STXBP5L: variants seen among roughly 807,000 people sequenced by gnomAD.
STXBP5L encodes the protein syntaxin binding protein 5L, also known as syntaxin-binding protein 5-like.
STXBP5L carries 65 observed loss-of-function variants against 144.5 expected under a neutral mutation model. The ratio of observed to expected loss-of-function variants is 0.45; its 90% CI spans 0.37 to 0.55. STXBP5L has a LOEUF of 0.55. Among genes scored for constraint, STXBP5L ranks in the 20% least tolerant of loss-of-function variants. STXBP5L has a pLI of 0.00. For synonymous variants in STXBP5L, 505 were observed against 469.6 expected, an observed-to-expected ratio of 1.08 and a Z score of -0.97; for missense variants, 1,298 against 1,405.5, an observed-to-expected ratio of 0.92 and a Z score of 1.22.
At chr3:121,019,282 G>T (rs1439719828) in intron 3 of STXBP5L, among the ~76,000 whole-genome samples, 2 of 152,130 alleles carry the variant, frequency 1.3e-5, no homozygotes, top group Admixed American at 6.5e-5. Context: ...GATGGTCTTT[G>T]TCTACCTACC....
intron 9 of STXBP5L, among the ~76,000 whole-genome samples, chr3:121,182,587 G>A (rs183039862): frequency 3.2e-4 from 49 of 152,060 alleles, no homozygotes; most frequent in African/African-American, 9.9e-4. Context: ...CACATCTCAA[G>A]GAACTAGAGA....
Position 121,389,839 on chromosome 3 carries a change from G to A in STXBP5L, c.2587+8307G>A, listed in dbSNP as rs528057838. Among the ~76,000 whole-genome samples the A allele has an allele frequency of 2.0e-5, 3 of 152,300 alleles. No individual in the cohort carries two copies. The South Asian group carries it at 6.2e-4, about 32-fold the overall frequency. On this transcript the variant is annotated intron_variant, in intron 22 of 26. Coordinates refer to ENST00000471454, the MANE Select transcript of STXBP5L (RefSeq NM_001308330.2). ...TCAATTTTGGAACAAGTTTGATGTG[G>A]TGCTGAGAAGAATGTATATTCTGTT...
chr3:120,966,586 C>T (rs1440990895), intron 3 of STXBP5L, among the ~76,000 whole-genome samples: 1 of 152,206 alleles, frequency 6.6e-6, no homozygotes, highest in African/African-American at 2.4e-5. Context: ...TCTCCAGGTC[C>T]TGTTTGCCTG....
rs901008590 is a variant in STXBP5L, at chr3:121,121,585, G to T, written c.606-56G>T. On this transcript the variant is annotated intron_variant, in intron 6 of 26. Coordinates refer to ENST00000471454, the MANE Select transcript of STXBP5L (RefSeq NM_001308330.2). ...CTTAATTTCTTTGTTTCAGTCTCTAGTGGTAAGGTATTTTAATGTTTGGTT... is the reference window on the plus strand; with the variant it reads ...CTTAATTTCTTTGTTTCAGTCTCTATTGGTAAGGTATTTTAATGTTTGGTT... 31 of 1,257,048 alleles carry T rather than the reference G, an allele frequency of 2.5e-5. No homozygotes were observed. The Admixed American group carries it at 4.4e-4, about 18-fold the overall frequency. 77.9% of individuals were successfully genotyped at this position (1,257,048 alleles called of 1,614,324 possible). A position where few individuals can be genotyped will look rare whatever the true frequency, so the allele number is the denominator to read the frequency against.
At chr3:121,199,204 G>T (rs993599295) in intron 9 of STXBP5L, among the ~76,000 whole-genome samples, 1 of 152,050 alleles carries the variant, frequency 6.6e-6, no homozygotes, top group African/African-American at 2.4e-5. Context: ...TACGTCCCTT[G>T]TAAGTTGTAT....
chr3:121,329,616 T>A lies in STXBP5L; in HGVS notation c.2176+11076T>A, dbSNP rs374560743. On this transcript the variant is annotated intron_variant, in intron 20 of 26. Transcript: ENST00000471454. Reference sequence around the variant, plus strand: ...TGGCCCATGCCTGTAATCCCAGTGCTTTGGGAGGCTGAGGCGGGAGGATTG... The same window carrying A: ...TGGCCCATGCCTGTAATCCCAGTGCATTGGGAGGCTGAGGCGGGAGGATTG... 2.0e-3 allele frequency among the ~76,000 whole-genome samples: 298 copies of A among 152,280 alleles called. 1 individual carries two copies. The highest frequency in any genetic ancestry group is 2.4e-3 in the Non-Finnish European group (160 of 68,014).
chr3:120,985,863 G>T (rs1279762502), intron 3 of STXBP5L, among the ~76,000 whole-genome samples: 1 of 151,604 alleles, frequency 6.6e-6, no homozygotes, highest in Non-Finnish European at 1.5e-5. Flanking sequence ...TCTTTCCAAA[G>T]AACCAACTTT....
intron 3 of STXBP5L, among the ~76,000 whole-genome samples, chr3:120,991,730 A>G (rs978534781): frequency 4.1e-5 from 6 of 148,088 alleles, no homozygotes; most frequent in African/African-American, 7.4e-5. Context: ...CAAACACCGC[A>G]TGTTCTCACT....
intron 3 of STXBP5L, among the ~76,000 whole-genome samples, chr3:120,982,499 T>A (rs754581789): frequency 2.0e-5 from 3 of 152,208 alleles, no homozygotes; most frequent in Non-Finnish European, 4.4e-5. Flanking sequence ...GTTATACCCC[T>A]GTCCCAGGGC....
chr3:121,004,300 C>G (rs1330022543), intron 3 of STXBP5L, among the ~76,000 whole-genome samples: 4 of 151,234 alleles, frequency 2.6e-5, no homozygotes, highest in African/African-American at 4.8e-5. Context: ...GTATTTTATT[C>G]TCTTTGAAGC....
intron 20 of STXBP5L, among the ~76,000 whole-genome samples, chr3:121,336,373 T>G (rs562650739): frequency 7.0e-4 from 106 of 152,254 alleles, no homozygotes; most frequent in Non-Finnish European, 1.0e-3. Flanking sequence ...GGTGCATGCC[T>G]GTAGTCCTAG....
At chr3:121,289,238 C>A (rs1318901598) in intron 19 of STXBP5L, among the ~76,000 whole-genome samples, 5 of 151,960 alleles carry the variant, frequency 3.3e-5, no homozygotes, top group Admixed American at 3.3e-4. Context: ...TTTAAAGCAA[C>A]AATATTTAAG....
At chr3:121,153,420 A>C (rs1168433925) in intron 8 of STXBP5L, among the ~76,000 whole-genome samples, 1 of 152,000 alleles carries the variant, frequency 6.6e-6, no homozygotes, top group Admixed American at 6.6e-5. Flanking sequence ...ATATGTCAAA[A>C]ATTTATGTCC....
intron 20 of STXBP5L, among the ~76,000 whole-genome samples, chr3:121,353,778 G>C (rs1026574956): frequency 6.6e-6 from 1 of 152,120 alleles, no homozygotes. Context: ...TGATGTTAGG[G>C]TGTCAATTTT....
intron 10 of STXBP5L, among the ~76,000 whole-genome samples, chr3:121,217,431 G>A (rs1484195957): frequency 6.6e-6 from 1 of 152,088 alleles, no homozygotes; most frequent in East Asian, 1.9e-4. Flanking sequence ...CTTGGCTAGG[G>A]GAGGAAGTTC....
chr3:121,086,162 C>G (rs2042481577), intron 5 of STXBP5L, among the ~76,000 whole-genome samples: 5 of 152,198 alleles, frequency 3.3e-5, no homozygotes, highest in Middle Eastern at 3.4e-3. Flanking sequence ...AAAATTAACC[C>G]AAGATGGATT....
At chr3:121,038,930 G>A (rs1331785044) in intron 3 of STXBP5L, among the ~76,000 whole-genome samples, 1 of 151,684 alleles carries the variant, frequency 6.6e-6, no homozygotes, top group East Asian at 1.9e-4. Context: ...ATTAATGTTA[G>A]CATGGTGTAT....
chr3:120,914,225 A>G (rs1314894485), intron 2 of STXBP5L, among the ~76,000 whole-genome samples: 1 of 152,052 alleles, frequency 6.6e-6, no homozygotes, highest in African/African-American at 2.4e-5. Context: ...CAAAAGATAA[A>G]AATAAGTATA....
At chr3:121,194,207 C>T (rs748039849) in intron 9 of STXBP5L, among the ~76,000 whole-genome samples, 1 of 152,068 alleles carries the variant, frequency 6.6e-6, no homozygotes, top group Non-Finnish European at 1.5e-5. Flanking sequence ...AACCTTGCAA[C>T]CCTAGGCAAT....
Sources: gnomAD v4.1 joint callset for allele counts (sites outside exome capture counted in the v4.1 genomes callset) on GRCh38, gnomAD v4.1.1 for gene constraint, MANE v1.5 for transcripts, NCBI Gene and HGNC (gene_info 2026-07-23, HGNC 2026-07-21) for gene names.